ATP6V1C2: variants seen among roughly 807,000 people sequenced by gnomAD.
ATP6V1C2 encodes the protein ATPase H+ transporting V1 subunit C2, also known as V-type proton ATPase subunit C 2.
ATP6V1C2 carries 45 observed loss-of-function variants against 56.8 expected under a neutral mutation model. The observed-to-expected ratio is 0.79, with a 90% CI of 0.62 to 1.02. The LOEUF (loss-of-function observed/expected upper bound fraction) is 1.02, where lower values mean the gene tolerates loss of function less well. ATP6V1C2 is among the 50% of genes least tolerant of loss of function. The pLI is 0.00. For missense variants in ATP6V1C2, 463 were observed against 519.7 expected (o/e 0.89, Z 1.06); for synonymous variants, 220 against 201.3 (o/e 1.09, Z -0.79).
intron 2 of ATP6V1C2, among the ~76,000 whole-genome samples, chr2:10,724,447 C>T (rs1448183831): frequency 5.9e-5 from 9 of 152,088 alleles, no homozygotes; most frequent in Non-Finnish European, 1.3e-4. Flanking sequence ...CCACATCTTG[C>T]TGCCTTTTTA....
At chr2:10,761,740 T>C (rs980356507) in intron 4 of ATP6V1C2, among the ~76,000 whole-genome samples, 1 of 152,176 alleles carries the variant, frequency 6.6e-6, no homozygotes, top group Admixed American at 6.5e-5. Flanking sequence ...CGGATCCAAC[T>C]CTCTGCTGTC....
chr2:10,772,463 G>A (rs1664681667), intron 7 of ATP6V1C2, 79 bp from the exon 8 acceptor site: 2 of 1,206,612 alleles, frequency 1.7e-6, no homozygotes, highest in African/African-American at 1.5e-5. Flanking sequence ...AGGAAAAGGG[G>A]TGTGCAGCTT....
chr2:10,771,759 C>A, intron 6 of ATP6V1C2, 80 bp from the exon 7 acceptor site: 1 of 1,088,152 alleles, frequency 9.2e-7, no homozygotes, highest in Non-Finnish European at 1.4e-6. Flanking sequence ...GCCCCCAGTG[C>A]CCGGGTGTGG....
chr2:10,750,472 C>T (rs538180657), intron 3 of ATP6V1C2, among the ~76,000 whole-genome samples: 5 of 151,730 alleles, frequency 3.3e-5, no homozygotes, highest in Non-Finnish European at 7.4e-5. Flanking sequence ...GCCGAGATAG[C>T]ACCACTGCAC....
intron 3 of ATP6V1C2, among the ~76,000 whole-genome samples, chr2:10,748,650 T>C (rs1328150972): frequency 6.6e-6 from 1 of 152,210 alleles, no homozygotes; most frequent in East Asian, 1.9e-4. Flanking sequence ...TACATAAAGC[T>C]GCCAGAGTTT....
chr2:10,723,167 A>C (rs973185882), intron 2 of ATP6V1C2, among the ~76,000 whole-genome samples, 189 bp downstream of exon 2: 1 of 152,166 alleles, frequency 6.6e-6, no homozygotes, highest in Admixed American at 6.5e-5. Context: ...CATAGTCCCA[A>C]ATAAATTGTG....
chr2:10,738,524 C>T (rs958976790), intron 3 of ATP6V1C2, among the ~76,000 whole-genome samples: 2 of 152,156 alleles, frequency 1.3e-5, no homozygotes, highest in Admixed American at 6.6e-5. Context: ...GACCCTGCCC[C>T]GGTCCTTCAG....
chr2:10,767,897 T>C (rs1664334442), intron 5 of ATP6V1C2: 1 of 152,216 alleles, frequency 6.6e-6, no homozygotes, highest in East Asian at 1.9e-4. Flanking sequence ...TTCCCTTTAT[T>C]CTCCCAAAAG....
Position 10,772,315 on chromosome 2 carries a change from G to C in ATP6V1C2, c.570-227G>C, listed in dbSNP as rs555790017. Among the ~76,000 whole-genome samples the C allele has an allele frequency of 9.1e-4, 138 of 152,270 alleles. 1 individual carries two copies. The highest frequency in any genetic ancestry group is 3.2e-3 in the African/African-American group (134 of 41,542). On this transcript the variant is annotated intron_variant, in intron 7 of 13. Transcript: ENST00000272238. ...TTAGATGGTTATTAGCGAGCCCCAA[G>C]TGTATCCATAGCTCTTCACAAAGGG...
At chr2:10,774,656 T>C in intron 8 of ATP6V1C2, 132 bp from the exon 9 acceptor site, 1 of 741,282 alleles carries the variant, frequency 1.3e-6, no homozygotes, top group Non-Finnish European at 2.3e-6. Flanking sequence ...TCTCAGGGAG[T>C]GTCCTTGGTT....
At chr2:10,764,658 C>T (rs1317274494) in intron 5 of ATP6V1C2, among the ~76,000 whole-genome samples, 1 of 152,248 alleles carries the variant, frequency 6.6e-6, no homozygotes, top group Non-Finnish European at 1.5e-5. Context: ...TCACTTGCTG[C>T]TCCACTTCTT....
At chr2:10,728,992 CGGT>C (rs1661809976) in intron 3 of ATP6V1C2, among the ~76,000 whole-genome samples, 1 of 146,822 alleles carries the variant, frequency 6.8e-6, no homozygotes, top group African/African-American at 2.5e-5. Flanking sequence ...TAGTTGGGTG[CGGT>C]GGCTGGCGCC....
chr2:10,784,250 T>C lies in ATP6V1C2; in HGVS notation c.*987T>C, dbSNP rs754632785. On this transcript the variant is annotated 3_prime_UTR_variant, in exon 14 of 14. Coordinates refer to ENST00000272238, the MANE Select transcript of ATP6V1C2 (RefSeq NM_001039362.2). ...AAAGAAAATGGTCTGAAGCCTCTGT[T>C]GTGGCTCTCACAACTCATCTTTCCC... 1 of 1,609,832 alleles carries C rather than the reference T, an allele frequency of 6.2e-7. No individual in the cohort carries two copies. The highest frequency in any genetic ancestry group is 1.1e-5 in the South Asian group (1 of 90,674).
At chr2:10,761,329 G>A (rs928366729) in intron 4 of ATP6V1C2, among the ~76,000 whole-genome samples, 3 of 152,072 alleles carry the variant, frequency 2.0e-5, no homozygotes, top group African/African-American at 7.2e-5. Flanking sequence ...ATGGCTCTGG[G>A]CCCATGGTGG....
chr2:10,742,705 T>C (rs530330213), intron 3 of ATP6V1C2, among the ~76,000 whole-genome samples: 1 of 152,148 alleles, frequency 6.6e-6, no homozygotes, highest in Non-Finnish European at 1.5e-5. Context: ...TCAGCCATCC[T>C]CTACCCCAGG....
At chr2:10,755,161 C>T (rs752964727) in intron 4 of ATP6V1C2, among the ~76,000 whole-genome samples, 17 of 152,174 alleles carry the variant, frequency 1.1e-4, no homozygotes, top group Non-Finnish European at 2.2e-4. Flanking sequence ...TTCAGCCTCC[C>T]GAGTAGCTGG....
chr2:10,735,599 T>C (rs1316896067), intron 3 of ATP6V1C2, among the ~76,000 whole-genome samples: 2 of 149,128 alleles, frequency 1.3e-5, no homozygotes, highest in African/African-American at 5.1e-5. Flanking sequence ...TTTTTTTTTT[T>C]CTCTCTTTTT....
chr2:10,753,084 C>T (rs1663313022), intron 3 of ATP6V1C2, among the ~76,000 whole-genome samples: 1 of 152,170 alleles, frequency 6.6e-6, no homozygotes, highest in Non-Finnish European at 1.5e-5. Context: ...AGCCCTTTTG[C>T]CTTCAAATGC....
chr2:10,782,829 C>CAAAAAAAAAA (rs60533807), intron 13 of ATP6V1C2, among the ~76,000 whole-genome samples: 3 of 52,224 alleles, frequency 5.7e-5, no homozygotes, highest in African/African-American at 1.3e-4. Flanking sequence ...GACTCTGTCT[C>CAAAAAAAAAA]AAAAAAAAAA....
Sources: allele counts gnomAD v4.1 joint callset (sites outside exome capture counted in the v4.1 genomes callset), GRCh38; gene constraint gnomAD v4.1.1; transcripts MANE v1.5; gene names NCBI Gene and HGNC (gene_info 2026-07-23, HGNC 2026-07-21).